The following SLC39A10 variants were observed in gnomAD, a reference collection of about 807,000 sequenced individuals.
SLC39A10 encodes the protein zinc transporter ZIP10.
A neutral mutation model predicts 65.1 loss-of-function variants in SLC39A10; 13 were observed. That is an observed-to-expected ratio of 0.20 (90% confidence interval 0.13 to 0.32). The LOEUF (loss-of-function observed/expected upper bound fraction) is 0.32. SLC39A10 is among the 10% of genes least tolerant of loss of function. SLC39A10 has a pLI of 1.00. For missense variants in SLC39A10, 831 were observed against 1,018.4 expected, an observed-to-expected ratio of 0.82 and a Z score of 2.50; for synonymous variants, 321 against 342.2, an observed-to-expected ratio of 0.94 and a Z score of 0.68.
rs1201256636 is a variant in SLC39A10 at position 195,735,487 on chromosome 2, A to G, written c.*446A>G. 1.3e-5 allele frequency: 2 copies of G among 152,982 alleles called. No homozygotes were observed. The highest frequency in any genetic ancestry group is 3.9e-4 in the East Asian group (2 of 5,192). The allele number at this position is 152,982 out of a possible 1,614,324, so 9.5% of individuals were successfully genotyped here. A position where few individuals can be genotyped will look rare whatever the true frequency, so the allele number is the denominator to read the frequency against. On this transcript the variant is annotated 3_prime_UTR_variant, in exon 10 of 10. Coordinates refer to ENST00000359634, the MANE Select transcript of SLC39A10 (RefSeq NM_020342.3). ...GTAGTGCTCTTTAATTCAGCTACAT[A>G]TATTCATGTGGTGATAGGGATCAAC... is the stretch of plus-strand genomic sequence containing the variant.
intron 8 of SLC39A10, among the ~76,000 whole-genome samples, chr2:195,719,005 G>A (rs185402718): frequency 5.3e-5 from 8 of 151,640 alleles, no homozygotes; most frequent in Admixed American, 6.6e-5. Context: ...GATTTTGGTC[G>A]AATGGAACTG....
At chr2:195,711,102 T>A (rs911191511) in intron 5 of SLC39A10, among the ~76,000 whole-genome samples, 1 of 152,220 alleles carries the variant, frequency 6.6e-6, no homozygotes, top group Non-Finnish European at 1.5e-5. Context: ...AGTTCATCAC[T>A]ACAATAAATT....
intron 1 of SLC39A10, among the ~76,000 whole-genome samples, chr2:195,664,367 T>TA (rs148569238): frequency 0.034 from 5,058 of 150,950 alleles, 415 homozygotes; most frequent in East Asian, 0.33. Context: ...GCTTTTCTTT[T>TA]AAAAAAAAAT....
At chr2:195,660,998 TTCA>T (rs780339203) in intron 1 of SLC39A10, among the ~76,000 whole-genome samples, 4 of 152,170 alleles carry the variant, frequency 2.6e-5, no homozygotes, top group Non-Finnish European at 4.4e-5. Flanking sequence ...CAAGGACCTC[TTCA>T]TAGCCACAAG....
intron 2 of SLC39A10, among the ~76,000 whole-genome samples, chr2:195,616,136 G>GT (rs1310966281): frequency 3.9e-5 from 6 of 151,980 alleles, no homozygotes; most frequent in African/African-American, 1.2e-4. Context: ...TGTATTTTCA[G>GT]TAGAGACGGG....
intron 8 of SLC39A10, among the ~76,000 whole-genome samples, chr2:195,718,810 G>T (rs1691911907): frequency 6.6e-6 from 1 of 152,048 alleles, no homozygotes; most frequent in Non-Finnish European, 1.5e-5. Context: ...ATGTTACCTG[G>T]ATGGTTATTA....
intron 3 of SLC39A10, among the ~76,000 whole-genome samples, chr2:195,685,930 T>C (rs138824195): frequency 2.6e-5 from 4 of 152,366 alleles, no homozygotes; most frequent in African/African-American, 9.6e-5. Context: ...AAGATCATTA[T>C]GTGAATGTAT....
At chr2:195,682,130 T>C (rs910878844) in intron 2 of SLC39A10, among the ~76,000 whole-genome samples, 2 of 152,240 alleles carry the variant, frequency 1.3e-5, no homozygotes, top group Non-Finnish European at 2.9e-5. Context: ...ACTATTCACC[T>C]TAAGCACATT....
intron 1 of SLC39A10, among the ~76,000 whole-genome samples, chr2:195,662,514 G>A (rs1482326550): frequency 6.6e-6 from 1 of 152,032 alleles, no homozygotes; most frequent in African/African-American, 2.4e-5. Context: ...ACTCAAGTGA[G>A]CTACCTGCCT....
chr2:195,691,263 T>C (rs1048425728), intron 3 of SLC39A10, among the ~76,000 whole-genome samples: 1 of 152,192 alleles, frequency 6.6e-6, no homozygotes, highest in Non-Finnish European at 1.5e-5. Context: ...ATCCACTCGT[T>C]GGTTGATGGG....
At chr2:195,662,331 A>G (rs532939676) in intron 1 of SLC39A10, among the ~76,000 whole-genome samples, 1 of 149,378 alleles carries the variant, frequency 6.7e-6, no homozygotes, top group East Asian at 2.0e-4. Context: ...TGCAGTGGTG[A>G]GATCAGGGCT....
chr2:195,663,114 C>T (rs756111842), intron 1 of SLC39A10, among the ~76,000 whole-genome samples: 3 of 152,252 alleles, frequency 2.0e-5, no homozygotes, highest in Middle Eastern at 3.4e-3. Flanking sequence ...TTTACCTTTT[C>T]TAATTGAAAA....
rs1689178255 is a variant in SLC39A10 at position 195,657,241 on chromosome 2, T to C, written c.-52T>C. On this transcript the variant is annotated 5_prime_UTR_variant, in exon 1 of 10. Coordinates refer to ENST00000359634, the MANE Select transcript of SLC39A10 (RefSeq NM_020342.3). The stretch of plus-strand genomic sequence containing the variant: ...ACGATTTGGTGCAGCCGGGGTTTGG[T>C]ACCGAGCGGAGAGGAGATGCACACG... 3.6e-6 allele frequency: 1 copy of C among 279,348 alleles called. No homozygotes were observed. Among genetic ancestry groups the C allele is most frequent in the Non-Finnish European group, 5.4e-6 (1 of 184,458 alleles). The allele number at this position is 279,348 out of a possible 1,614,324, so 17.3% of individuals were successfully genotyped here.
intron 1 of SLC39A10, among the ~76,000 whole-genome samples, chr2:195,667,017 T>C (rs1368836143): frequency 2.6e-5 from 4 of 152,266 alleles, no homozygotes; most frequent in African/African-American, 9.6e-5. Flanking sequence ...TACATGAATG[T>C]ATAGAATACA....
At chr2:195,697,880 T>TA (rs1293199901) in intron 3 of SLC39A10, among the ~76,000 whole-genome samples, 5 of 152,098 alleles carry the variant, frequency 3.3e-5, no homozygotes, top group African/African-American at 1.2e-4. Flanking sequence ...GATACCATCT[T>TA]ACACCAGTCA....
intron 2 of SLC39A10, among the ~76,000 whole-genome samples, chr2:195,617,764 CAG>C (rs573012922): frequency 1.4e-3 from 92 of 65,878 alleles, no homozygotes; most frequent in African/African-American, 4.2e-3. Flanking sequence ...ATTTTTGAGA[CAG>C]AGTCTCACTG....
chr2:195,625,222 A>AAAGAAAGAAAGAAAGAAAGAAAG (rs1688443563), intron 2 of SLC39A10, among the ~76,000 whole-genome samples: 6 of 112,236 alleles, frequency 5.3e-5, no homozygotes, highest in African/African-American at 1.5e-4. Flanking sequence ...GTCTCAAAAA[A>AAAGAAAGAAAGAAAGAAAGAAAG]AAAGAAAGAA....
chr2:195,703,942 A>C (rs1691296165), intron 3 of SLC39A10, among the ~76,000 whole-genome samples: 1 of 152,198 alleles, frequency 6.6e-6, no homozygotes, highest in Non-Finnish European at 1.5e-5. Flanking sequence ...GCATAAGCAA[A>C]GGACCCTGAG....
In SLC39A10 at chr2:195,728,321, T is replaced by C; in HGVS notation, c.2309T>C (p.Met770Thr). 1 of 1,613,608 alleles carries C rather than the reference T, an allele frequency of 6.2e-7. No individual in the cohort carries two copies. Among genetic ancestry groups the C allele is most frequent in the Non-Finnish European group, 8.5e-7 (1 of 1,179,636 alleles). Reference protein sequence around the residue: ...TLWIFAVTAGMFLYVALVDML... With the variant: ...TLWIFAVTAGTFLYVALVDML... ...TGGATCTTTGCAGTCACTGCAGGCA[T>C]GTTCCTCTATGTAGCCTTGGTGGAT... Residue 770 changes from methionine to threonine, a missense_variant, in exon 9 of 10, where the codon ATG becomes ACG. Met to Thr is a moderately conservative substitution (Grantham distance 81). This residue lies in a region of SLC39A10 where 120 missense variants were observed against 203.9 expected (regional missense o/e 0.59). Coordinates refer to ENST00000359634, the MANE Select transcript of SLC39A10 (RefSeq NM_020342.3). This position sits in a 1 kb window ranked among gnomAD's most constrained non-coding sequence, Gnocchi z 4.4.
Sources: gnomAD v4.1 joint callset for allele counts (sites outside exome capture counted in the v4.1 genomes callset) on GRCh38, gnomAD v4.1.1 for gene constraint, gnomAD v4.1.1 regional missense constraint, Gnocchi (gnomAD v3.1) non-coding constraint, MANE v1.5 for transcripts, NCBI Gene and HGNC (gene_info 2026-07-23, HGNC 2026-07-21) for gene names.